The following BRIP1 variants were observed in gnomAD, a reference collection of about 807,000 sequenced individuals.
BRIP1 encodes BRCA1 interacting DNA helicase 1.
In BRIP1, 88 loss-of-function variants were observed where a neutral mutation model predicts 119.7. That is an observed-to-expected ratio of 0.74 (90% confidence interval 0.62 to 0.88). The LOEUF (loss-of-function observed/expected upper bound fraction) is 0.88. BRIP1 is among the 40% of genes least tolerant of loss of function. The pLI is 0.00. For synonymous variants in BRIP1, 443 were observed against 496.5 expected (o/e 0.89, Z 1.43); for missense variants, 1,259 against 1,455.4 (o/e 0.87, Z 2.20).
At position 61,755,432 on chromosome 17, in the gene BRIP1, G is replaced by C. The variant is rs1003073075; in HGVS notation, c.2098-10841C>G. On this transcript the variant is annotated intron_variant, in intron 14 of 19. Coordinates refer to ENST00000259008, the MANE Select transcript of BRIP1 (RefSeq NM_032043.3). The surrounding 1 kb of genome is among the most constrained non-coding windows in gnomAD (Gnocchi z 4.5). Reference sequence around the variant, plus strand: ...AAATTAGCTGGGTGTGGTGGTGTGTGCCTGTGATCCCAGTTACTCAGGAGG... The same window carrying C: ...AAATTAGCTGGGTGTGGTGGTGTGTCCCTGTGATCCCAGTTACTCAGGAGG... Among the ~76,000 whole-genome samples the C allele has an allele frequency of 6.6e-6, 1 of 152,040 alleles. No homozygotes were observed. The highest frequency in any genetic ancestry group is 2.1e-4 in the South Asian group (1 of 4,820).
intron 9 of BRIP1, among the ~76,000 whole-genome samples, chr17:61,797,465 G>C (rs2077918466): frequency 6.6e-6 from 1 of 151,980 alleles, no homozygotes; most frequent in Non-Finnish European, 1.5e-5. Flanking sequence ...GATCACTAGT[G>C]ATCTTGATCA....
rs1490180171 is a variant in BRIP1 at position 61,793,165 on chromosome 17, G to A, written c.1473+432C>T. Among the ~76,000 whole-genome samples the A allele has an allele frequency of 2.6e-5, 4 of 152,040 alleles. No homozygotes were observed. The highest frequency in any genetic ancestry group is 2.6e-4 in the Admixed American group (4 of 15,262). The stretch of plus-strand genomic sequence containing the variant: ...CAAAAGGATACGCTCATAAAATTTT[G>A]CATATAGCTTCATAAGTTTCATAGT... On this transcript the variant is annotated intron_variant, in intron 10 of 19. Transcript: ENST00000259008. The surrounding 1 kb of genome is among the most constrained non-coding windows in gnomAD (Gnocchi z 5.2).
At chr17:61,838,837 CT>C (rs2078615884) in intron 6 of BRIP1, among the ~76,000 whole-genome samples, 2 of 151,664 alleles carry the variant, frequency 1.3e-5, no homozygotes, top group African/African-American at 2.4e-5. Context: ...ATATGGACTA[CT>C]TTTTTTTCAA....
Position 61,725,438 on chromosome 17 carries a change from G to A in BRIP1, c.2380-9375C>T, listed in dbSNP as rs891696105. On this transcript the variant is annotated intron_variant, in intron 16 of 19. Transcript: ENST00000259008. This position sits in a 1 kb window ranked among gnomAD's most constrained non-coding sequence, Gnocchi z 5.3. ...TTGTCAGTGTTGACTAAAATAACCT[G>A]GATATTTCAAATTTAAGAAATAGAA... Among the ~76,000 whole-genome samples, 13 of 151,878 alleles carry A rather than the reference G, an allele frequency of 8.6e-5. No homozygotes were observed. The highest frequency in any genetic ancestry group is 2.7e-4 in the African/African-American group (11 of 41,318).
rs2078965240 is a variant in BRIP1 at position 61,860,938 on chromosome 17, T to G, written c.93+509A>C. ...GTAAAATAATATTCTATATTGTTTA[T>G]GGATACATATATATGTAATAAAAGT... On this transcript the variant is annotated intron_variant, in intron 2 of 19. Transcript: ENST00000259008. This position sits in a 1 kb window ranked among gnomAD's most constrained non-coding sequence, Gnocchi z 4.1. Among the ~76,000 whole-genome samples, 1 of 152,178 alleles carries G rather than the reference T, an allele frequency of 6.6e-6. No homozygotes were observed. Among genetic ancestry groups the G allele is most frequent in the South Asian group, 2.1e-4 (1 of 4,832 alleles).
Position 61,717,171 on chromosome 17 carries a change from G to C in BRIP1, c.2380-1108C>G, listed in dbSNP as rs1040429266. Among the ~76,000 whole-genome samples, 1 of 151,968 alleles carries C rather than the reference G, an allele frequency of 6.6e-6. No individual in the cohort carries two copies. The highest frequency in any genetic ancestry group is 2.4e-5 in the African/African-American group (1 of 41,388). Reference sequence around the variant, plus strand: ...TACCCTTTACCCAATTTCCCCTAATGTTAACATCTTATATTACTATAGCTC... The same window carrying C: ...TACCCTTTACCCAATTTCCCCTAATCTTAACATCTTATATTACTATAGCTC... On this transcript the variant is annotated intron_variant, in intron 16 of 19. Coordinates refer to ENST00000259008, the MANE Select transcript of BRIP1 (RefSeq NM_032043.3). The surrounding 1 kb of genome is among the most constrained non-coding windows in gnomAD (Gnocchi z 4.1).
intron 6 of BRIP1, among the ~76,000 whole-genome samples, chr17:61,818,966 A>C (rs2078279158): frequency 6.6e-6 from 1 of 152,060 alleles, no homozygotes; most frequent in Non-Finnish European, 1.5e-5. Context: ...GGGGCAGATC[A>C]CCTGAGGTCA....
intron 16 of BRIP1, among the ~76,000 whole-genome samples, chr17:61,737,479 CAGT>C (rs2076933877): frequency 1.3e-5 from 2 of 152,022 alleles, no homozygotes; most frequent in Non-Finnish European, 2.9e-5. Context: ...TTGGATTTGC[CAGT>C]ATTTTCCTAA....
chr17:61,812,309 T>C (rs2078174925), intron 6 of BRIP1, among the ~76,000 whole-genome samples: 1 of 152,208 alleles, frequency 6.6e-6, no homozygotes, highest in African/African-American at 2.4e-5. Flanking sequence ...TCAAAAAGAC[T>C]TTTTTATTTT....
At chr17:61,764,055 G>A (rs528661304) in intron 14 of BRIP1, among the ~76,000 whole-genome samples, 92 of 152,090 alleles carry the variant, frequency 6.0e-4, no homozygotes, top group Non-Finnish European at 1.1e-3. Context: ...ACCCATTCTG[G>A]CTCCATGTAT....
At chr17:61,727,790 C>A (rs200104088) in intron 16 of BRIP1, among the ~76,000 whole-genome samples, 7,958 of 131,142 alleles carry the variant, frequency 0.061, 261 homozygotes, top group African/African-American at 0.099. Flanking sequence ...CTCTCTCTCT[C>A]TATATATATA....
Position 61,732,165 on chromosome 17 carries a change from G to A in BRIP1, c.2379+10848C>T, listed in dbSNP as rs143201490. 5.9e-5 allele frequency among the ~76,000 whole-genome samples: 9 copies of A among 151,400 alleles called. No homozygotes were observed. In the South Asian group the frequency reaches 1.3e-3, roughly 21 times the overall value. ...CCAGCTAATTTGTGTATTTTTAGTA[G>A]AGAGAGAGAGTTTCATTATGTTGGC... On this transcript the variant is annotated intron_variant, in intron 16 of 19. Coordinates refer to ENST00000259008, the MANE Select transcript of BRIP1 (RefSeq NM_032043.3).
chr17:61,690,596 A>G lies in BRIP1; in HGVS notation c.2575+2834T>C, dbSNP rs2061433710. Among the ~76,000 whole-genome samples, 1 of 152,190 alleles carries G rather than the reference A, an allele frequency of 6.6e-6. No homozygotes were observed. The highest frequency in any genetic ancestry group is 2.1e-4 in the South Asian group (1 of 4,832). On this transcript the variant is annotated intron_variant, in intron 18 of 19. Coordinates refer to ENST00000259008, the MANE Select transcript of BRIP1 (RefSeq NM_032043.3). The surrounding 1 kb of genome is among the most constrained non-coding windows in gnomAD (Gnocchi z 5.6). ...AAGGAATCAAAGCATTTTTCTTCAA[A>G]AAATTAAAAAATGAAAAGCTTTTAA... is the stretch of plus-strand genomic sequence containing the variant.
intron 17 of BRIP1, among the ~76,000 whole-genome samples, chr17:61,696,016 G>A (rs189139550): frequency 5.9e-5 from 9 of 152,208 alleles, no homozygotes; most frequent in Admixed American, 5.9e-4. Context: ...AATAGAAGTG[G>A]TAAGAGTGAA....
intron 17 of BRIP1, among the ~76,000 whole-genome samples, chr17:61,697,415 A>G (rs955206231): frequency 4.9e-5 from 7 of 144,068 alleles, no homozygotes; most frequent in Admixed American, 1.4e-4. Flanking sequence ...TTTTGTGTCT[A>G]TCTATGAATT....
intron 17 of BRIP1, among the ~76,000 whole-genome samples, chr17:61,714,936 A>G (rs1304553194): frequency 6.6e-6 from 1 of 151,346 alleles, no homozygotes; most frequent in African/African-American, 2.4e-5. Context: ...CGAGTAGCTC[A>G]CATCTGTAAT....
At chr17:61,716,720 C>G (rs1040078522) in intron 16 of BRIP1, among the ~76,000 whole-genome samples, 1 of 109,608 alleles carries the variant, frequency 9.1e-6, no homozygotes, top group African/African-American at 3.3e-5. Flanking sequence ...CCCCCTACCC[C>G]CCCAATCTGT....
chr17:61,847,635 AAC>A (rs1200208368), intron 5 of BRIP1, among the ~76,000 whole-genome samples: 1 of 152,216 alleles, frequency 6.6e-6, no homozygotes, highest in African/African-American at 2.4e-5. Context: ...TTTTAATGTA[AAC>A]AGTCATGATT....
At position 61,776,509 on chromosome 17, in the gene BRIP1, G is replaced by T. The variant is rs376628979; in HGVS notation, c.1989C>A (p.Thr663=). The T allele has an allele frequency of 4.3e-6, 7 of 1,614,116 alleles. No individual in the cohort carries two copies. The highest frequency in any genetic ancestry group is 5.9e-6 in the Non-Finnish European group (7 of 1,180,014). ...SGPKGRNLCA[T]FQNTETFEFQ... The stretch of plus-strand genomic sequence containing the variant: ...ACTCAAATGTTTCAGTATTCTGGAA[G>T]GTAGCACAGAGATTCCGACCCTTGG... The change falls in exon 14 of 20, where the codon ACC becomes ACA. Residue 663 remains threonine, a synonymous_variant. Coordinates refer to ENST00000259008, the MANE Select transcript of BRIP1 (RefSeq NM_032043.3). This position sits in a 1 kb window ranked among gnomAD's most constrained non-coding sequence, Gnocchi z 5.0.
Sources: gnomAD v4.1 joint callset for allele counts (sites outside exome capture counted in the v4.1 genomes callset) on GRCh38, gnomAD v4.1.1 for gene constraint, Gnocchi (gnomAD v3.1) non-coding constraint, MANE v1.5 for transcripts, NCBI Gene and HGNC (gene_info 2026-07-23, HGNC 2026-07-21) for gene names.